RBM26: variants seen among roughly 807,000 people sequenced by gnomAD.
The protein encoded by RBM26 is RNA-binding protein 26.
Under a neutral mutation model 123.6 loss-of-function variants are expected in RBM26, and 30 were observed. The ratio of observed to expected loss-of-function variants is 0.24; its 90% CI spans 0.18 to 0.33. The LOEUF (loss-of-function observed/expected upper bound fraction) is 0.33, where lower values mean the gene tolerates loss of function less well. RBM26 is among the 10% of genes least tolerant of loss of function. The pLI is 1.00. For synonymous variants in RBM26, 400 were observed against 404.4 expected (o/e 0.99, Z 0.13); for missense variants, 947 against 1,203.6 (o/e 0.79, Z 3.15).
rs1593858738 is a variant in RBM26, at chr13:79,320,032, A to G, written c.*589T>C. 1.1e-6 allele frequency: 1 copy of G among 942,192 alleles called. No individual in the cohort carries two copies. Among genetic ancestry groups the G allele is most frequent in the Admixed American group, 1.1e-4 (1 of 9,520 alleles). The allele number at this position is 942,192 out of a possible 1,614,324, so 58.4% of individuals were successfully genotyped here. A position where few individuals can be genotyped will look rare whatever the true frequency, so the allele number is the denominator to read the frequency against. ...TAAAGAGACCATTCCACTTTATTAT[A>G]ACATCTGGATGCATAAGGACTCATG... On this transcript the variant is annotated 3_prime_UTR_variant, in exon 22 of 22. Transcript: ENST00000438737.
chr13:79,315,851 T>C (rs1186422687), downstream of RBM26, among the ~76,000 whole-genome samples: 2 of 151,724 alleles, frequency 1.3e-5, no homozygotes, highest in Non-Finnish European at 3.0e-5. Flanking sequence ...TTTGGAAGAT[T>C]ATCTATTGTC....
intron 1 of RBM26, among the ~76,000 whole-genome samples, chr13:79,384,076 G>A (rs2140298929): frequency 6.6e-6 from 1 of 152,132 alleles, no homozygotes; most frequent in South Asian, 2.1e-4. Context: ...CGAACACTGG[G>A]GTTTCCAATT....
At chr13:79,405,651 T>A (rs2079472127) in intron 1 of RBM26, 53 bp downstream of exon 1, 1 of 1,313,044 alleles carries the variant, frequency 7.6e-7, no homozygotes, top group Non-Finnish European at 1.1e-6. Flanking sequence ...GATCTCTGGG[T>A]CCGCCTATCT....
At chr13:79,371,710 T>C (rs1043301036) in intron 4 of RBM26, 132 bp downstream of exon 4, 10 of 640,898 alleles carry the variant, frequency 1.6e-5, no homozygotes, top group African/African-American at 1.5e-4. Context: ...GAAACGGACC[T>C]AGTTATATTT....
At chr13:79,324,956 C>T (rs924932473) in intron 20 of RBM26, among the ~76,000 whole-genome samples, 7 of 151,950 alleles carry the variant, frequency 4.6e-5, no homozygotes, top group African/African-American at 1.7e-4. Flanking sequence ...ATAAAGTCAG[C>T]CACCACAGAA....
At chr13:79,392,113 A>AATT (rs1433419311) in intron 1 of RBM26, among the ~76,000 whole-genome samples, 2 of 81,396 alleles carry the variant, frequency 2.5e-5, no homozygotes, top group Non-Finnish European at 2.8e-5. Context: ...TACAATACAT[A>AATT]ATTATATAAT....
intron 11 of RBM26, among the ~76,000 whole-genome samples, chr13:79,356,105 G>GT (rs1477285384): frequency 1.3e-5 from 2 of 152,222 alleles, no homozygotes; most frequent in African/African-American, 4.8e-5. Flanking sequence ...GCTCATGTCA[G>GT]TAATCCCAGC....
intron 20 of RBM26, among the ~76,000 whole-genome samples, chr13:79,332,929 T>C (rs773413937): frequency 6.6e-6 from 1 of 152,184 alleles, no homozygotes. Flanking sequence ...ATATTTAAAG[T>C]TCTTAATAAA....
At chr13:79,398,522 G>A (rs941359307) in intron 1 of RBM26, among the ~76,000 whole-genome samples, 3 of 152,076 alleles carry the variant, frequency 2.0e-5, no homozygotes, top group Non-Finnish European at 4.4e-5. Context: ...AAGAAATAAA[G>A]AAAAATGTTT....
At chr13:79,365,828 G>T in intron 8 of RBM26, 110 bp from the exon 9 acceptor site, 2 of 971,554 alleles carry the variant, frequency 2.1e-6, no homozygotes, top group Non-Finnish European at 3.0e-6. Flanking sequence ...CATATAACAT[G>T]CTCTATATGT....
At chr13:79,398,090 G>T (rs1256941878) in intron 1 of RBM26, among the ~76,000 whole-genome samples, 1 of 152,102 alleles carries the variant, frequency 6.6e-6, no homozygotes, top group Non-Finnish European at 1.5e-5. Context: ...AAATTGAAAA[G>T]ACTTTTTCCA....
Position 79,320,026 on chromosome 13 carries a change from T to C in RBM26, c.*595A>G. 1 of 960,704 alleles carries C rather than the reference T, an allele frequency of 1.0e-6. No homozygotes were observed. Among genetic ancestry groups the C allele is most frequent in the Non-Finnish European group, 1.2e-6 (1 of 813,788 alleles). The allele number at this position is 960,704 out of a possible 1,614,324, so 59.5% of individuals were successfully genotyped here. ...TTTTTTTAAAGAGACCATTCCACTT[T>C]ATTATAACATCTGGATGCATAAGGA... is the stretch of plus-strand genomic sequence containing the variant. On this transcript the variant is annotated 3_prime_UTR_variant, in exon 22 of 22. Transcript: ENST00000438737.
At chr13:79,318,018 T>C (rs1329669139), downstream of RBM26, among the ~76,000 whole-genome samples, 1 of 151,574 alleles carries the variant, frequency 6.6e-6, no homozygotes, top group South Asian at 2.1e-4. Context: ...GCTTGTAATC[T>C]AGTGGGGAAG....
intron 11 of RBM26, among the ~76,000 whole-genome samples, chr13:79,355,670 A>AAT (rs1375732408): frequency 1.3e-5 from 2 of 152,212 alleles, no homozygotes; most frequent in African/African-American, 4.8e-5. Context: ...TCCCAATTTT[A>AAT]ATAGCAACTA....
At chr13:79,372,477 T>A (rs563537168) in intron 3 of RBM26, among the ~76,000 whole-genome samples, 1 of 151,808 alleles carries the variant, frequency 6.6e-6, no homozygotes, top group African/African-American at 2.4e-5. Context: ...CATTTAACTA[T>A]AATGAAATGA....
chr13:79,382,603 A>C (rs929334026), intron 1 of RBM26, among the ~76,000 whole-genome samples: 5 of 152,160 alleles, frequency 3.3e-5, no homozygotes, highest in African/African-American at 1.2e-4. Context: ...ACTACAAAAT[A>C]AGGCATGAGA....
chr13:79,351,601 CGGCG>C (rs2073234358), intron 14 of RBM26, among the ~76,000 whole-genome samples: 1 of 3,242 alleles, frequency 3.1e-4, no homozygotes, highest in Admixed American at 4.0e-3. Context: ...TTAGTTGGGG[CGGCG>C]GGGGGGGAAA....
At chr13:79,376,055 C>A (rs1436209003) in intron 3 of RBM26, among the ~76,000 whole-genome samples, 1 of 149,722 alleles carries the variant, frequency 6.7e-6, no homozygotes, top group Non-Finnish European at 1.5e-5. Flanking sequence ...TAAAATGAGG[C>A]TCAGAAAAGT....
At chr13:79,384,012 C>T (rs1345110154) in intron 1 of RBM26, among the ~76,000 whole-genome samples, 1 of 152,132 alleles carries the variant, frequency 6.6e-6, no homozygotes, top group Non-Finnish European at 1.5e-5. Context: ...ACTTGACCTT[C>T]TTGACACATA....
Sources: gnomAD v4.1 joint callset for allele counts (sites outside exome capture counted in the v4.1 genomes callset) on GRCh38, gnomAD v4.1.1 for gene constraint, MANE v1.5 for transcripts, NCBI Gene and HGNC (gene_info 2026-07-23, HGNC 2026-07-21) for gene names.